ACAD9: variants seen among roughly 807,000 people sequenced by gnomAD.
The protein encoded by ACAD9 is acyl-CoA dehydrogenase family member 9, also known as complex I assembly factor ACAD9, mitochondrial.
A neutral mutation model predicts 70.2 loss-of-function variants in ACAD9; 53 were observed. That is an observed-to-expected ratio of 0.75 (90% CI 0.61 to 0.95). ACAD9 has a LOEUF of 0.95. Among genes scored for constraint, ACAD9 ranks in the 40% least tolerant of loss-of-function variants. The pLI, the probability that ACAD9 is intolerant of heterozygous loss-of-function variation, is 0.00. For missense variants in ACAD9, 777 were observed against 802.8 expected, an observed-to-expected ratio of 0.97 and a Z score of 0.39; for synonymous variants, 313 against 312.1, an observed-to-expected ratio of 1.00 and a Z score of -0.03.
intron 2 of ACAD9, among the ~76,000 whole-genome samples, chr3:128,891,751 T>C (rs537183100): frequency 3.9e-5 from 6 of 152,378 alleles, no homozygotes; most frequent in African/African-American, 1.2e-4. Context: ...AAGAGATGTC[T>C]GCTTCCATTC....
Position 128,902,784 on chromosome 3 carries a change from G to C in ACAD9, c.958+156G>C, listed in dbSNP as rs1935778734. On this transcript the variant is annotated intron_variant, in intron 9 of 17. Transcript: ENST00000308982. This position sits in a 1 kb window ranked among gnomAD's most constrained non-coding sequence, Gnocchi z 4.0. ...CCTGGGCTTTTGTGGAGACCAGAGG[G>C]TCTCCTCAGCCTGCCCCTGAGGTTT... 6.6e-6 allele frequency among the ~76,000 whole-genome samples: 1 copy of C among 152,160 alleles called. No homozygotes were observed. Among genetic ancestry groups the C allele is most frequent in the Non-Finnish European group, 1.5e-5 (1 of 68,016 alleles).
rs145182927 is a variant in ACAD9, at chr3:128,893,242, CATG to C, written c.245-311_245-309del. ...GTATATACCTGTAGTCCCAGCTTCTCATGAAGCTGAGGCAGGAGGCTCACTTGA... is the reference window on the plus strand; with the variant it reads ...GTATATACCTGTAGTCCCAGCTTCTCAAGCTGAGGCAGGAGGCTCACTTGA... On this transcript the variant is annotated intron_variant, in intron 2 of 17. Coordinates refer to ENST00000308982, the MANE Select transcript of ACAD9 (RefSeq NM_014049.5). 0.041 allele frequency among the ~76,000 whole-genome samples: 6,281 copies of C among 151,898 alleles called. 170 individuals carry two copies. The highest frequency in any genetic ancestry group is 0.058 in the Non-Finnish European group (3,955 of 67,976).
chr3:128,896,499 G>A lies in ACAD9; in HGVS notation c.517G>A (p.Glu173Lys). 1 of 1,614,194 alleles carries A rather than the reference G, an allele frequency of 6.2e-7. No individual in the cohort carries two copies. Among genetic ancestry groups the A allele is most frequent in the Non-Finnish European group, 8.5e-7 (1 of 1,180,042 alleles). ...AKYLPKLASG[E>K]HIAAFCLTEP... The stretch of plus-strand genomic sequence containing the variant: ...ATACTTGCCTAAACTGGCGTCCGGG[G>A]AGCACATTGCAGCCTTCTGCCTCAC... The change falls in exon 5 of 18, where the codon GAG becomes AAG. Residue 173 changes from glutamate to lysine, a missense_variant. Glu to Lys is a moderately conservative substitution (Grantham distance 56). Transcript: ENST00000308982.
At position 128,896,430 on chromosome 3, in the gene ACAD9, G is replaced by A; in HGVS notation, c.454-6G>A. On this transcript the variant is annotated splice_polypyrimidine_tract_variant and splice_region_variant and intron_variant, in intron 4 of 17. Transcript: ENST00000308982. The stretch of plus-strand genomic sequence containing the variant: ...GCTGACATTAGTCTGTGTCTGTTTT[G>A]TTTAGGGGATCATCTTGGCTGGCAC... 1 of 1,614,044 alleles carries A rather than the reference G, an allele frequency of 6.2e-7. No homozygotes were observed. The highest frequency in any genetic ancestry group is 8.5e-7 in the Non-Finnish European group (1 of 1,179,896).
chr3:128,908,888 C>T, intron 13 of ACAD9, 85 bp from the exon 14 acceptor site: 4 of 1,607,704 alleles, frequency 2.5e-6, no homozygotes, highest in Non-Finnish European at 3.4e-6. Context: ...GGGCACGGAG[C>T]TTCTGGGTGC....
At chr3:128,911,363 A>G (rs1044489655) in intron 17 of ACAD9, among the ~76,000 whole-genome samples, 1 of 151,304 alleles carries the variant, frequency 6.6e-6, no homozygotes, top group Admixed American at 6.6e-5. Context: ...GGGCCTGCCA[A>G]GGCAATTTTA....
In ACAD9 at chr3:128,906,104, A is replaced by T. The variant is rs1200450421; in HGVS notation, c.1150-17A>T. 1.2e-6 allele frequency: 2 copies of T among 1,614,130 alleles called. No individual in the cohort carries two copies. Among genetic ancestry groups the T allele is most frequent in the Admixed American group, 3.3e-5 (2 of 60,032 alleles). The stretch of plus-strand genomic sequence containing the variant: ...TAGGTCCTCCTTTTGGAAAGGATTC[A>T]GTGTGACACCCCACAGGTGTTCAGC... On this transcript the variant is annotated splice_polypyrimidine_tract_variant and intron_variant, in intron 11 of 17. Transcript: ENST00000308982.
Position 128,912,530 on chromosome 3 carries a change from C to G in ACAD9, c.1789C>G (p.Gln597Glu), listed in dbSNP as rs759556147. ...AGATGCTCCAGAAAACCTAGATGAG[C>G]AGATTAAGAAAGTGTCCCAGCAGAT... The part of the protein sequence containing the change: ...DKYAPENLDE[Q>E]IKKVSQQILE... The change falls in exon 18 of 18, where the codon CAG (glutamine) becomes GAG (glutamate). Residue 597 changes from glutamine to glutamate, a missense_variant. Coordinates refer to ENST00000308982, the MANE Select transcript of ACAD9 (RefSeq NM_014049.5). 1 of 1,614,080 alleles carries G rather than the reference C, an allele frequency of 6.2e-7. No individual in the cohort carries two copies. The highest frequency in any genetic ancestry group is 1.6e-4 in the Middle Eastern group (1 of 6,062).
intron 7 of ACAD9, among the ~76,000 whole-genome samples, chr3:128,900,269 G>T (rs992403988): frequency 6.6e-6 from 1 of 151,564 alleles, no homozygotes; most frequent in African/African-American, 2.4e-5. Flanking sequence ...ACGGAGTCTC[G>T]CTCTGTCGCC....
At chr3:128,909,822 G>A in intron 15 of ACAD9, 199 bp from the exon 16 acceptor site, 1 of 757,806 alleles carries the variant, frequency 1.3e-6, no homozygotes, top group Non-Finnish European at 2.2e-6. Context: ...ACCCCTCCCT[G>A]AATCTAGAGC....
intron 8 of ACAD9, among the ~76,000 whole-genome samples, chr3:128,901,725 C>T (rs926788479): frequency 6.6e-6 from 1 of 152,188 alleles, no homozygotes; most frequent in African/African-American, 2.4e-5. Flanking sequence ...TTATTTTTAT[C>T]AAGAGATGAT....
At chr3:128,888,556 G>A (rs1018407175) in intron 2 of ACAD9, among the ~76,000 whole-genome samples, 2 of 152,032 alleles carry the variant, frequency 1.3e-5, no homozygotes, top group Non-Finnish European at 2.9e-5. Flanking sequence ...TTCAGCCTGG[G>A]TGACAGAGTG....
In ACAD9 at chr3:128,893,068, G is replaced by A. The variant is rs138109272; in HGVS notation, c.245-487G>A. On this transcript the variant is annotated intron_variant, in intron 2 of 17. Coordinates refer to ENST00000308982, the MANE Select transcript of ACAD9 (RefSeq NM_014049.5). ...AGCTTTTAACAATTTTATTCTGGCC[G>A]GGCGTGGTGGCTCACACCTATGATC... Among the ~76,000 whole-genome samples, 833 of 152,154 alleles carry A rather than the reference G, an allele frequency of 5.5e-3. 8 individuals carry two copies. Among genetic ancestry groups the A allele is most frequent in the Non-Finnish European group, 8.7e-3 (595 of 68,008 alleles).
At chr3:128,910,628 G>A in intron 16 of ACAD9, 113 bp from the exon 17 acceptor site, 1 of 1,156,232 alleles carries the variant, frequency 8.6e-7, no homozygotes, top group South Asian at 1.2e-5. Context: ...TCCTGTGCCA[G>A]GCCTTGTGAC....
At chr3:128,888,578 C>A (rs1023935640) in intron 2 of ACAD9, among the ~76,000 whole-genome samples, 7 of 149,532 alleles carry the variant, frequency 4.7e-5, no homozygotes, top group African/African-American at 1.2e-4. Flanking sequence ...GACTCCATCT[C>A]AAAAAAAAAT....
At chr3:128,911,457 A>G (rs1311749934) in intron 17 of ACAD9, among the ~76,000 whole-genome samples, 2 of 151,766 alleles carry the variant, frequency 1.3e-5, no homozygotes, top group Non-Finnish European at 2.9e-5. Flanking sequence ...TTTTGGAGAC[A>G]TAGTCTCACT....
At chr3:128,898,664 T>G (rs1005670229) in intron 6 of ACAD9, among the ~76,000 whole-genome samples, 5 of 152,154 alleles carry the variant, frequency 3.3e-5, no homozygotes, top group Non-Finnish European at 7.3e-5. Context: ...CCTCCCAAAG[T>G]GCTGGGATTA....
At chr3:128,895,282 G>A (rs1935537936) in intron 3 of ACAD9, 28 bp from the exon 4 acceptor site, 3 of 1,563,474 alleles carry the variant, frequency 1.9e-6, no homozygotes, top group Admixed American at 3.4e-5. Context: ...GGGCTGGGCT[G>A]TGATTGACGC....
rs1002121609 is a variant in ACAD9, at chr3:128,902,112, A to G, written c.883-441A>G. Among the ~76,000 whole-genome samples the G allele has an allele frequency of 4.6e-5, 7 of 152,206 alleles. 1 individual carries two copies. The South Asian group carries it at 1.4e-3, about 31-fold the overall frequency. ...ATTTTGTTCATCCATTCACCAGCTG[A>G]TGGACATTGGGGTTGTTACCGCTTT... On this transcript the variant is annotated intron_variant, in intron 8 of 17. Transcript: ENST00000308982. This position sits in a 1 kb window ranked among gnomAD's most constrained non-coding sequence, Gnocchi z 4.0.
Sources: allele counts gnomAD v4.1 joint callset (sites outside exome capture counted in the v4.1 genomes callset), GRCh38; gene constraint gnomAD v4.1.1; non-coding constraint Gnocchi (gnomAD v3.1); transcripts MANE v1.5; gene names NCBI Gene and HGNC (gene_info 2026-07-23, HGNC 2026-07-21).